Variants in FAM133A observed in about 807,000 individuals in gnomAD.
FAM133A encodes the protein family with sequence similarity 133 member A, also known as protein FAM133A.
For missense variants in FAM133A, 159 were observed against 164.4 expected (o/e 0.97, Z 0.18); for synonymous variants, 65 against 58.6 (o/e 1.11, Z -0.50).
At chrX:93,676,863 A>G (rs1271020308) in intron 2 of FAM133A, among the ~76,000 whole-genome samples, 1 of 110,638 alleles carries the variant, frequency 9.0e-6, no homozygotes, top group Admixed American at 9.7e-5. Flanking sequence ...ACTTTTTCTA[A>G]TCACAATTCT....
chrX:93,692,841 G>T lies in FAM133A; in HGVS notation c.-192-5556G>T, dbSNP rs147085930. Reference sequence around the variant, plus strand: ...TGTTGTCAGCATTTCCTAGCACAGTGTTTGGAACATAATAGACACTCCATA... The same window carrying T: ...TGTTGTCAGCATTTCCTAGCACAGTTTTTGGAACATAATAGACACTCCATA... On this transcript the variant is annotated intron_variant, in intron 2 of 3. Coordinates refer to ENST00000683942, the MANE Select transcript of FAM133A (RefSeq NM_001171109.2). 5.4e-3 allele frequency among the ~76,000 whole-genome samples: 608 copies of T among 111,584 alleles called. 3 individuals are homozygous for T. Among genetic ancestry groups the T allele is most frequent in the African/African-American group, 0.019 (588 of 30,858 alleles).
At chrX:93,707,455 C>T (rs979634027) in intron 3 of FAM133A, among the ~76,000 whole-genome samples, 4 of 111,056 alleles carry the variant, frequency 3.6e-5, no homozygotes, top group East Asian at 2.9e-4. Context: ...TATGTCTGAT[C>T]GTCTTTCTCT....
chrX:93,700,285 T>C (rs1379982703), intron 3 of FAM133A, among the ~76,000 whole-genome samples: 4 of 111,097 alleles, frequency 3.6e-5, no homozygotes, highest in Non-Finnish European at 7.6e-5. Context: ...TTCTGATATA[T>C]TTGGAATAAA....
intron 2 of FAM133A, among the ~76,000 whole-genome samples, chrX:93,689,793 A>G (rs778447223): frequency 8.9e-6 from 1 of 111,879 alleles, no homozygotes; most frequent in East Asian, 2.8e-4. Context: ...AGCAAGACTT[A>G]TTTGATGAGA....
chrX:93,685,446 T>A (rs1160121991), intron 2 of FAM133A, among the ~76,000 whole-genome samples: 6 of 111,903 alleles, frequency 5.4e-5, no homozygotes, highest in Non-Finnish European at 1.9e-5. Flanking sequence ...GCACTTTTTC[T>A]GCAAATGATG....
chrX:93,692,774 A>G (rs1311429388), intron 2 of FAM133A, among the ~76,000 whole-genome samples: 1 of 111,475 alleles, frequency 9.0e-6, no homozygotes, highest in African/African-American at 3.2e-5. Flanking sequence ...ACATCCATAA[A>G]ATCTATGAGG....
chrX:93,685,699 C>T (rs1382363174), intron 2 of FAM133A, among the ~76,000 whole-genome samples: 2 of 111,921 alleles, frequency 1.8e-5, no homozygotes, highest in African/African-American at 6.5e-5. Flanking sequence ...TACGTTCCAA[C>T]CATCATTTCA....
intron 2 of FAM133A, among the ~76,000 whole-genome samples, chrX:93,685,759 T>A (rs1156319030): frequency 7.2e-5 from 8 of 111,539 alleles, no homozygotes; most frequent in Non-Finnish European, 1.5e-4. Context: ...CTCACCTTCT[T>A]CATTTATCTT....
In FAM133A at chrX:93,710,093, A is replaced by G; in HGVS notation, c.674A>G (p.Lys225Arg). 1 of 1,199,821 alleles carries G rather than the reference A, an allele frequency of 8.3e-7. No homozygotes were observed. Residue 225 changes from lysine (K) to arginine (R), a missense_variant, in exon 4 of 4, where the codon AAG (lysine) becomes AGG (arginine). Coordinates refer to ENST00000683942, the MANE Select transcript of FAM133A (RefSeq NM_001171109.2). ...CAAGCAAAGGAAAAAGTAAAGAAGA[A>G]GAAGAAGAAACAGCACAAGAAACAT... ...REQAKEKVKK[K>R]KKKQHKKHSK...
At chrX:93,702,631 T>G (rs1921846345) in intron 3 of FAM133A, among the ~76,000 whole-genome samples, 1 of 109,295 alleles carries the variant, frequency 9.1e-6, no homozygotes, top group Non-Finnish European at 1.9e-5. Flanking sequence ...ACATAGTGAC[T>G]TTTTTCCCAA....
chrX:93,702,694 T>C (rs184640503), intron 3 of FAM133A, among the ~76,000 whole-genome samples: 78 of 109,380 alleles, frequency 7.1e-4, no homozygotes, highest in Non-Finnish European at 5.9e-4. Flanking sequence ...AGAAAACTGA[T>C]AAATACTACT....
intron 2 of FAM133A, among the ~76,000 whole-genome samples, chrX:93,686,591 G>A (rs1009158997): frequency 5.4e-5 from 6 of 111,912 alleles, no homozygotes; most frequent in South Asian, 7.5e-4. Flanking sequence ...TGCAGACCAC[G>A]GAAACAGGGA....
At chrX:93,706,452 T>G (rs962736264) in intron 3 of FAM133A, among the ~76,000 whole-genome samples, 2 of 111,673 alleles carry the variant, frequency 1.8e-5, no homozygotes, top group Non-Finnish European at 3.8e-5. Context: ...AATAATTTAG[T>G]TTTCTCTCAT....
At chrX:93,696,430 A>G (rs1295622850) in intron 2 of FAM133A, among the ~76,000 whole-genome samples, 2 of 111,577 alleles carry the variant, frequency 1.8e-5, no homozygotes, top group Admixed American at 9.5e-5. Context: ...AGTAAAAACA[A>G]CGTGTCTCTT....
chrX:93,682,823 T>C (rs1433005224), intron 2 of FAM133A, among the ~76,000 whole-genome samples: 1 of 111,041 alleles, frequency 9.0e-6, no homozygotes, highest in East Asian at 2.8e-4. Flanking sequence ...ACCATGTTGG[T>C]CAGTTGGCCT....
At chrX:93,682,841 C>T (rs1925260893) in intron 2 of FAM133A, among the ~76,000 whole-genome samples, 1 of 111,342 alleles carries the variant, frequency 9.0e-6, no homozygotes, top group Admixed American at 9.6e-5. Context: ...CCTCGAACTC[C>T]TGACTTCAAG....
intron 3 of FAM133A, among the ~76,000 whole-genome samples, chrX:93,701,137 C>G (rs1926670257): frequency 9.0e-6 from 1 of 111,200 alleles, no homozygotes; most frequent in Non-Finnish European, 1.9e-5. Flanking sequence ...CCTCAAAGTG[C>G]ATATTATGGT....
chrX:93,684,824 C>T (rs1401961050), intron 2 of FAM133A, among the ~76,000 whole-genome samples: 1 of 111,515 alleles, frequency 9.0e-6, no homozygotes, highest in Non-Finnish European at 1.9e-5. Flanking sequence ...TAAATTGGGT[C>T]ATTATTTGGT....
chrX:93,679,958 T>C (rs868455439), intron 2 of FAM133A, among the ~76,000 whole-genome samples: 55 of 72,840 alleles, frequency 7.6e-4, no homozygotes, highest in Admixed American at 6.5e-3. Flanking sequence ...TTTTTTTTTT[T>C]AGTAGAGACA....
Sources: allele counts gnomAD v4.1 joint callset (sites outside exome capture counted in the v4.1 genomes callset), GRCh38; gene constraint gnomAD v4.1.1; transcripts MANE v1.5; gene names NCBI Gene and HGNC (gene_info 2026-07-23, HGNC 2026-07-21).